SRR: variants seen among roughly 807,000 people sequenced by gnomAD.
The protein encoded by SRR is serine racemase.
In SRR, 19 loss-of-function variants were observed where a neutral mutation model predicts 32.7. That is an observed-to-expected ratio of 0.58 (90% CI 0.40 to 0.85). The LOEUF (loss-of-function observed/expected upper bound fraction) is 0.85. Among genes scored for constraint, SRR ranks in the 40% least tolerant of loss-of-function variants. The probability of loss-of-function intolerance (pLI) is 0.00; values close to 1 mark genes in which losing one functional copy is unlikely to be tolerated. For synonymous variants in SRR, 142 were observed against 140.9 expected, an observed-to-expected ratio of 1.01 and a Z score of -0.06; for missense variants, 373 against 404.7, an observed-to-expected ratio of 0.92 and a Z score of 0.67.
At chr17:2,320,504 T>G (rs2075518668) in intron 4 of SRR, among the ~76,000 whole-genome samples, 1 of 151,822 alleles carries the variant, frequency 6.6e-6, no homozygotes, top group Non-Finnish European at 1.5e-5. Context: ...TCTGCCCGCC[T>G]TGGCCTCCCA....
At chr17:2,306,825 C>T in intron 1 of SRR, 1 of 784,150 alleles carries the variant, frequency 1.3e-6, no homozygotes, top group Non-Finnish European at 2.2e-6. Flanking sequence ...GAGGGCTGAG[C>T]TTTGAAACAA....
At chr17:2,307,945 A>G (rs543197020) in intron 1 of SRR, among the ~76,000 whole-genome samples, 3 of 152,152 alleles carry the variant, frequency 2.0e-5, no homozygotes, top group East Asian at 1.9e-4. Context: ...TGGAAAGTGT[A>G]AAGCATTCCA....
At chr17:2,308,796 GGTGACA>G (rs2075412856) in intron 1 of SRR, among the ~76,000 whole-genome samples, 1 of 151,782 alleles carries the variant, frequency 6.6e-6, no homozygotes, top group African/African-American at 2.4e-5. Context: ...ACTCCAGCCT[GGTGACA>G]GAGTGAGACT....
At chr17:2,312,399 T>C (rs2075439658) in intron 1 of SRR, among the ~76,000 whole-genome samples, 1 of 151,864 alleles carries the variant, frequency 6.6e-6, no homozygotes, top group Non-Finnish European at 1.5e-5. Flanking sequence ...ATCGAGACCA[T>C]CCTGGCTAAC....
rs146217351 is a variant in SRR, at chr17:2,324,264, C to T, written c.*391C>T. On this transcript the variant is annotated 3_prime_UTR_variant, in exon 8 of 8. Coordinates refer to ENST00000344595, the MANE Select transcript of SRR (RefSeq NM_021947.3). ...TTCAGCCAGGGTACTGGTTCTGGTA[C>T]ATATGGATCATAAGTCCATTTGGGG... 7.9e-5 allele frequency: 123 copies of T among 1,550,276 alleles called. No homozygotes were observed. The highest frequency in any genetic ancestry group is 6.9e-4 in the Middle Eastern group (4 of 5,778).
Position 2,321,655 on chromosome 17 carries a change from G to A in SRR, c.594+39G>A, listed in dbSNP as rs756388075. ...GGAGGATTCCCTGCTTCAAGCAGAG[G>A]ATTTACTTTACATCCTAAATGTTCT... On this transcript the variant is annotated intron_variant, in intron 6 of 7. Transcript: ENST00000344595. 7 of 1,581,414 alleles carry A rather than the reference G, an allele frequency of 4.4e-6. No individual in the cohort carries two copies. In the African/African-American group the frequency reaches 8.1e-5, roughly 18 times the overall value.
Position 2,322,985 on chromosome 17 carries a change from G to T in SRR, c.595-151G>T, listed in dbSNP as rs538887914. On this transcript the variant is annotated intron_variant, in intron 6 of 7. Transcript: ENST00000344595. ...TCACCAGGTTGGCCAGGCTGGTCTT[G>T]AACTCCTGACCTCAGCTGATCCACC... 5.2e-4 allele frequency: 369 copies of T among 707,916 alleles called. 1 individual carries two copies. In the East Asian group the frequency reaches 9.4e-3, roughly 18 times the overall value. The allele number at this position is 707,916 out of a possible 1,614,324, so 43.9% of individuals were successfully genotyped here.
chr17:2,323,778 A>T lies in SRR; in HGVS notation c.928A>T (p.Ile310Phe). 2 of 1,614,182 alleles carry T rather than the reference A, an allele frequency of 1.2e-6. No individual in the cohort carries two copies. Among genetic ancestry groups the T allele is most frequent in the Non-Finnish European group, 1.7e-6 (2 of 1,180,030 alleles). ...TVSPEVKNICIVLSGGNVDLT... is the reference protein window; with the variant it reads ...TVSPEVKNICFVLSGGNVDLT... ...TTCCCCAGAAGTAAAGAACATTTGTATTGTGCTCAGTGGTGGAAATGTAGA... is the reference window on the plus strand; with the variant it reads ...TTCCCCAGAAGTAAAGAACATTTGTTTTGTGCTCAGTGGTGGAAATGTAGA... Residue 310 changes from isoleucine to phenylalanine, a missense_variant, in exon 8 of 8, where the codon ATT becomes TTT. Physicochemically the swap from Ile to Phe is conservative, Grantham distance 21. Transcript: ENST00000344595.
intron 1 of SRR, among the ~76,000 whole-genome samples, chr17:2,311,076 T>G (rs1261875870): frequency 1.3e-5 from 2 of 151,762 alleles, no homozygotes; most frequent in Non-Finnish European, 2.9e-5. Context: ...AGACGGGATT[T>G]TACTATGTTA....
rs1016744562 is a variant in SRR at position 2,315,577 on chromosome 17, G to C, written c.17G>C (p.Cys6Ser). Residue 6 changes from cysteine to serine, a missense_variant, in exon 2 of 8, where the codon TGC becomes TCC. Physicochemically the swap from Cys to Ser is moderately radical, Grantham distance 112. Coordinates refer to ENST00000344595, the MANE Select transcript of SRR (RefSeq NM_021947.3). Reference protein sequence around the residue: MCAQYCISFADVEKAH... With the variant: MCAQYSISFADVEKAH... Reference sequence around the variant, plus strand: ...TTCAGAACCATGTGTGCTCAGTATTGCATCTCCTTTGCTGATGTTGAAAAA... The same window carrying C: ...TTCAGAACCATGTGTGCTCAGTATTCCATCTCCTTTGCTGATGTTGAAAAA... The C allele has an allele frequency of 6.2e-7, 1 of 1,613,520 alleles. No homozygotes were observed. Among genetic ancestry groups the C allele is most frequent in the South Asian group, 1.1e-5 (1 of 90,960 alleles).
At chr17:2,322,306 T>C (rs1461873949) in intron 6 of SRR, among the ~76,000 whole-genome samples, 3 of 152,208 alleles carry the variant, frequency 2.0e-5, no homozygotes, top group Non-Finnish European at 4.4e-5. Flanking sequence ...TTTCCCTGAA[T>C]TCCATGTCAT....
intron 1 of SRR, chr17:2,307,671 G>A: frequency 1.0e-6 from 1 of 978,968 alleles, no homozygotes; most frequent in East Asian, 2.4e-5. Context: ...AGGTGGCTAT[G>A]GCGGTTCCAG....
chr17:2,324,489 C>A lies in SRR; in HGVS notation c.*616C>A, dbSNP rs758236364. On this transcript the variant is annotated 3_prime_UTR_variant, in exon 8 of 8. Coordinates refer to ENST00000344595, the MANE Select transcript of SRR (RefSeq NM_021947.3). ...CAGAAATGCAGACATGGTCTCAAAT[C>A]CCGTGTTTCCTTACCTAAAGGTTCC... is the stretch of plus-strand genomic sequence containing the variant. 4.3e-6 allele frequency: 7 copies of A among 1,614,184 alleles called. No homozygotes were observed. The highest frequency in any genetic ancestry group is 5.9e-6 in the Non-Finnish European group (7 of 1,180,030).
chr17:2,318,709 ATCC>A, intron 3 of SRR, 114 bp from the exon 4 acceptor site: 8 of 550,126 alleles, frequency 1.5e-5, no homozygotes, highest in Non-Finnish European at 2.7e-5. Context: ...TGACCTTGTG[ATCC>A]GCCTGCCTCA....
intron 1 of SRR, among the ~76,000 whole-genome samples, chr17:2,309,138 T>C (rs1382603846): frequency 1.3e-5 from 2 of 151,990 alleles, no homozygotes; most frequent in Non-Finnish European, 2.9e-5. Context: ...ATAATAATAA[T>C]AATTTGTAGA....
Position 2,324,790 on chromosome 17 carries a change from A to G in SRR, c.*917A>G. The G allele has an allele frequency of 6.2e-7, 1 of 1,614,146 alleles. No homozygotes were observed. On this transcript the variant is annotated 3_prime_UTR_variant, in exon 8 of 8. Transcript: ENST00000344595. ...CTTGATGACCATTCTGTCTGGATCT[A>G]CTGACATAAGATGGCCTGTAGCAAT...
chr17:2,323,114 G>A (rs368381442), intron 6 of SRR, 22 bp from the exon 7 acceptor site: 9 of 1,612,372 alleles, frequency 5.6e-6, no homozygotes, highest in Non-Finnish European at 7.6e-6. Flanking sequence ...TTGTTAAGAT[G>A]TCTTAATATT....
At chr17:2,323,603 A>G in intron 7 of SRR, 52 bp from the exon 8 acceptor site, 1 of 1,582,430 alleles carries the variant, frequency 6.3e-7, no homozygotes, top group African/African-American at 1.3e-5. Flanking sequence ...CTTTATAGGT[A>G]AACCAACTAG....
upstream of SRR, chr17:2,303,799 G>A (rs1254470838): frequency 1.2e-5 from 15 of 1,229,076 alleles, no homozygotes; most frequent in South Asian, 1.8e-4. Context: ...CGGGCGGCGC[G>A]CGCGCTCGCC....
Sources: gnomAD v4.1 joint callset for allele counts (sites outside exome capture counted in the v4.1 genomes callset) on GRCh38, gnomAD v4.1.1 for gene constraint, MANE v1.5 for transcripts, NCBI Gene and HGNC (gene_info 2026-07-23, HGNC 2026-07-21) for gene names.